ATRX: variants seen among roughly 807,000 people sequenced by gnomAD.
The protein encoded by ATRX is chromatin remodeler ATRX.
ATRX carries 12 observed loss-of-function variants against 172.6 expected under a neutral mutation model. The ratio of observed to expected loss-of-function variants is 0.07; its 90% CI spans 0.04 to 0.11. The LOEUF (loss-of-function observed/expected upper bound fraction) is 0.11, where lower values mean the gene tolerates loss of function less well. Ranked by LOEUF, ATRX falls within the 10% of genes least tolerant of loss-of-function variation. The pLI is 1.00. For synonymous variants in ATRX, 674 were observed against 594.7 expected (o/e 1.13, Z -1.94); for missense variants, 1,368 against 1,767.4 (o/e 0.77, Z 4.05).
intron 1 of ATRX, among the ~76,000 whole-genome samples, chrX:77,736,289 T>C (rs1180960103): frequency 9.0e-6 from 1 of 111,587 alleles, no homozygotes; most frequent in African/African-American, 3.3e-5. Context: ...ACCCAAAGAA[T>C]GGGAGAAAGT....
At position 77,654,139 on chromosome X, in the gene ATRX, G is replaced by T. The variant is rs919106518; in HGVS notation, c.4276C>A (p.Arg1426=). 6.6e-6 allele frequency: 8 copies of T among 1,209,611 alleles called. No individual in the cohort carries two copies. The highest frequency in any genetic ancestry group is 8.9e-6 in the Non-Finnish European group (8 of 894,306). Residue 1426 remains arginine (R), a synonymous_variant, in exon 14 of 35, where the codon CGA becomes AGA. Transcript: ENST00000373344. ...GAATCTTCTTGAACCTTAATACGTC[G>T]CCTTTTCTTTTTCTGTTTATAGCTC... ...QRSYKQKKKR[R]RIKVQEDSSS... is the part of the protein sequence containing the mutation.
At chrX:77,701,424 A>C (rs1289317645) in intron 2 of ATRX, among the ~76,000 whole-genome samples, 10 of 109,957 alleles carry the variant, frequency 9.1e-5, no homozygotes, top group African/African-American at 3.0e-4. Flanking sequence ...AGACAGGAAA[A>C]TCACTTGAAT....
At chrX:77,783,722 C>A (rs782608285) in intron 1 of ATRX, among the ~76,000 whole-genome samples, 230 of 112,026 alleles carry the variant, frequency 2.1e-3, no homozygotes, top group African/African-American at 7.2e-3. Flanking sequence ...CATTACCTGT[C>A]AGATTCTCCT....
At chrX:77,555,848 G>A (rs1473792287) in intron 30 of ATRX, among the ~76,000 whole-genome samples, 3 of 109,916 alleles carry the variant, frequency 2.7e-5, no homozygotes, top group African/African-American at 6.6e-5. Context: ...TTCAGCACAC[G>A]TATAACAGAA....
intron 23 of ATRX, 146 bp from the exon 24 acceptor site, chrX:77,599,966 C>T: frequency 1.9e-6 from 1 of 515,912 alleles, no homozygotes; most frequent in Non-Finnish European, 3.3e-6. Flanking sequence ...ACAAAGAAGA[C>T]AGGACAGATA....
chrX:77,682,174 A>G lies in ATRX; in HGVS notation c.3082T>C (p.Phe1028Leu). 1 of 1,211,182 alleles carries G rather than the reference A, an allele frequency of 8.3e-7. No homozygotes were observed. Among genetic ancestry groups the G allele is most frequent in the Non-Finnish European group, 1.1e-6 (1 of 895,223 alleles). The change falls in exon 9 of 35, where the codon TTT (phenylalanine) becomes CTT (leucine). Residue 1028 changes from phenylalanine to leucine, a missense_variant. Around this residue, in one of 17 missense-constraint regions of ATRX, gnomAD observed 843 missense variants for 643.1 expected, o/e 1.31. Transcript: ENST00000373344. Reference protein sequence around the residue: ...KLPEREEICHFPKGIKQIKNG... With the variant: ...KLPEREEICHLPKGIKQIKNG... ...TTAATTTGTTTTATGCCCTTAGGAA[A>G]ATGACAAATTTCTTCTCGCTCAGGT...
intron 28 of ATRX, among the ~76,000 whole-genome samples, chrX:77,563,260 A>T (rs1557062807): frequency 3.6e-5 from 4 of 112,383 alleles, no homozygotes. Context: ...TTGATTTTTT[A>T]AAATATGGGT....
chrX:77,628,494 T>C (rs2067971246), intron 19 of ATRX, among the ~76,000 whole-genome samples: 2 of 112,677 alleles, frequency 1.8e-5, no homozygotes, highest in African/African-American at 6.5e-5. Flanking sequence ...TTGGTGAATT[T>C]TTTTACATAA....
intron 34 of ATRX, among the ~76,000 whole-genome samples, chrX:77,513,187 G>A (rs2062932441): frequency 9.2e-6 from 1 of 108,147 alleles, no homozygotes; most frequent in South Asian, 4.2e-4. Context: ...CGTGGTGGCG[G>A]GCACCTGTAG....
chrX:77,627,811 A>G (rs1276524474), intron 19 of ATRX, among the ~76,000 whole-genome samples: 1 of 110,347 alleles, frequency 9.1e-6, no homozygotes, highest in African/African-American at 3.3e-5. Context: ...AGCTACAGTG[A>G]GCTATAATCA....
chrX:77,715,825 C>T (rs1557164386), intron 2 of ATRX, among the ~76,000 whole-genome samples: 1 of 111,295 alleles, frequency 9.0e-6, no homozygotes, highest in African/African-American at 3.3e-5. Flanking sequence ...CTCTTTATTC[C>T]TTCTAGAACT....
intron 16 of ATRX, among the ~76,000 whole-genome samples, chrX:77,635,548 A>C (rs1267105678): frequency 8.9e-6 from 1 of 112,125 alleles, no homozygotes; most frequent in African/African-American, 3.2e-5. Flanking sequence ...AACTCTAATA[A>C]AGAAAACATA....
chrX:77,638,342 G>A (rs1309300991), intron 15 of ATRX, among the ~76,000 whole-genome samples: 4 of 112,549 alleles, frequency 3.6e-5, no homozygotes, highest in Admixed American at 9.3e-5. Flanking sequence ...GCGCAGTGGC[G>A]CGCGCCTATA....
At chrX:77,603,665 C>T (rs1441704112) in intron 22 of ATRX, among the ~76,000 whole-genome samples, 2 of 110,470 alleles carry the variant, frequency 1.8e-5, no homozygotes, top group Admixed American at 1.9e-4. Context: ...TGTGAGCTAC[C>T]GTGCCTGGCC....
intron 25 of ATRX, 140 bp downstream of exon 25, chrX:77,599,271 A>G: frequency 1.6e-6 from 1 of 635,357 alleles, no homozygotes; most frequent in Non-Finnish European, 2.5e-6. Context: ...TACTGTAATT[A>G]TGAGTACTTG....
In ATRX at chrX:77,663,471, T is replaced by C. The variant is rs782556767; in HGVS notation, c.4031A>G (p.Lys1344Arg). 1.3e-5 allele frequency: 16 copies of C among 1,209,791 alleles called. No homozygotes were observed. The Admixed American group carries it at 2.4e-4, about 18-fold the overall frequency. Residue 1344 changes from lysine to arginine, a missense_variant, in exon 12 of 35, where the codon AAA becomes AGA. Lys to Arg is a conservative substitution (Grantham distance 26). Transcript: ENST00000373344. ...PRYRHRLLRH[K>R]LTVSDGESGE... is the part of the protein sequence containing the mutation. ...AGATTCTCCGTCACTCACAGTCAAT[T>C]TGTGCCGCAAAAGCCTATGTCTGTA...
chrX:77,762,332 A>G (rs1341679454), intron 1 of ATRX, among the ~76,000 whole-genome samples: 5 of 106,217 alleles, frequency 4.7e-5, no homozygotes, highest in East Asian at 3.0e-4. Flanking sequence ...AAAAAAAGAT[A>G]CACATTGACT....
intron 27 of ATRX, among the ~76,000 whole-genome samples, chrX:77,577,108 T>A (rs1248582443): frequency 1.8e-5 from 2 of 111,947 alleles, no homozygotes; most frequent in Non-Finnish European, 3.8e-5. Context: ...TCTGACACCC[T>A]GAACTCAATT....
chrX:77,714,780 A>G (rs1348474988), intron 2 of ATRX, among the ~76,000 whole-genome samples: 3 of 112,254 alleles, frequency 2.7e-5, no homozygotes, highest in Non-Finnish European at 5.6e-5. Context: ...AAACTGCTTC[A>G]GATTTTTAAA....
Sources: allele counts gnomAD v4.1 joint callset (sites outside exome capture counted in the v4.1 genomes callset), GRCh38; gene constraint gnomAD v4.1.1; regional missense constraint gnomAD v4.1.1; transcripts MANE v1.5; gene names NCBI Gene and HGNC (gene_info 2026-07-23, HGNC 2026-07-21).